The following CAMK1D variants were observed in gnomAD, a reference collection of about 807,000 sequenced individuals.
CAMK1D encodes the protein calcium/calmodulin-dependent protein kinase type 1D.
A neutral mutation model predicts 47.7 loss-of-function variants in CAMK1D; 9 were observed. That is an observed-to-expected ratio of 0.19 (90% CI 0.11 to 0.33). The LOEUF (loss-of-function observed/expected upper bound fraction) is 0.33, where lower values mean the gene tolerates loss of function less well. Ranked by LOEUF, CAMK1D falls within the 10% of genes least tolerant of loss-of-function variation. The pLI, the probability that CAMK1D is intolerant of heterozygous loss-of-function variation, is 1.00. For synonymous variants in CAMK1D, 184 were observed against 184.9 expected, an observed-to-expected ratio of 0.99 and a Z score of 0.04; for missense variants, 291 against 488.7, an observed-to-expected ratio of 0.60 and a Z score of 3.81.
intron 1 of CAMK1D, among the ~76,000 whole-genome samples, chr10:12,428,864 C>T (rs533400627): frequency 5.9e-5 from 9 of 152,294 alleles, no homozygotes; most frequent in South Asian, 4.1e-4. Flanking sequence ...AGAGCTGCCT[C>T]GCCACTGTGT....
intron 1 of CAMK1D, among the ~76,000 whole-genome samples, chr10:12,412,455 CA>C (rs1180559333): frequency 1.9e-4 from 22 of 118,660 alleles, no homozygotes; most frequent in African/African-American, 5.7e-4. Context: ...ACTAAAAATA[CA>C]AAAAAAAAAA....
In CAMK1D at chr10:12,385,727, C is replaced by T. The variant is rs1321465524; in HGVS notation, c.92+35817C>T. 1.4e-5 allele frequency among the ~76,000 whole-genome samples: 2 copies of T among 147,154 alleles called. 1 individual carries two copies. The highest frequency in any genetic ancestry group is 5.0e-5 in the African/African-American group (2 of 39,982). ...ACAGTTCTGTAATTATACTGAGAAC[C>T]ATTGAATTGTACTTTTTTTTTTTTT... On this transcript the variant is annotated intron_variant, in intron 1 of 10. Coordinates refer to ENST00000619168, the MANE Select transcript of CAMK1D (RefSeq NM_153498.4).
chr10:12,543,677 CT>C (rs995388537), intron 1 of CAMK1D, among the ~76,000 whole-genome samples: 1 of 152,126 alleles, frequency 6.6e-6, no homozygotes, highest in Non-Finnish European at 1.5e-5. Flanking sequence ...CCAAGGCATC[CT>C]TAGGGCACAC....
chr10:12,831,872 A>C lies in CAMK1D; in HGVS notation c.*2985A>C, dbSNP rs926786057. 6.6e-6 allele frequency: 1 copy of C among 152,172 alleles called. No individual in the cohort carries two copies. Among genetic ancestry groups the C allele is most frequent in the Non-Finnish European group, 1.5e-5 (1 of 68,030 alleles). 9.4% of individuals were successfully genotyped at this position (152,172 alleles called of 1,614,324 possible). A position where few individuals can be genotyped will look rare whatever the true frequency, so the allele number is the denominator to read the frequency against. ...GCTTGGTATGATTTGTTTTCTTATA[A>C]AACAGGAAGAGAACCTAGAATGTGC... On this transcript the variant is annotated 3_prime_UTR_variant, in exon 11 of 11. Transcript: ENST00000619168.
intron 1 of CAMK1D, among the ~76,000 whole-genome samples, chr10:12,510,785 T>C (rs1303597247): frequency 6.6e-6 from 1 of 152,210 alleles, no homozygotes; most frequent in Non-Finnish European, 1.5e-5. Flanking sequence ...ATTTTCTGGA[T>C]TCCTGTGAAT....
rs562059743 is a variant in CAMK1D at position 12,783,873 on chromosome 10, T to C, written c.566-7285T>C. Among the ~76,000 whole-genome samples the C allele has an allele frequency of 9.9e-5, 15 of 152,262 alleles. No homozygotes were observed. In the East Asian group the frequency reaches 2.3e-3, roughly 23 times the overall value. Reference sequence around the variant, plus strand: ...GTGAGTCTCACAGTAGTAAATCCAATTATTTTGAATTTTCTACCTAGTTTT... The same window carrying C: ...GTGAGTCTCACAGTAGTAAATCCAACTATTTTGAATTTTCTACCTAGTTTT... On this transcript the variant is annotated intron_variant, in intron 5 of 10. Coordinates refer to ENST00000619168, the MANE Select transcript of CAMK1D (RefSeq NM_153498.4).
intron 1 of CAMK1D, among the ~76,000 whole-genome samples, chr10:12,505,565 C>T (rs989847003): frequency 3.3e-5 from 5 of 152,198 alleles, no homozygotes; most frequent in Admixed American, 3.3e-4. Context: ...GCTTGGTCTA[C>T]ACAATGAGCT....
intron 2 of CAMK1D, among the ~76,000 whole-genome samples, chr10:12,634,413 C>T (rs1839458648): frequency 6.6e-6 from 1 of 152,164 alleles, no homozygotes; most frequent in African/African-American, 2.4e-5. Flanking sequence ...CTCAAGCCAT[C>T]CTCCTGCCTC....
intron 3 of CAMK1D, among the ~76,000 whole-genome samples, chr10:12,688,257 T>C (rs1424949511): frequency 2.6e-5 from 4 of 152,252 alleles, no homozygotes; most frequent in Admixed American, 6.5e-5. Flanking sequence ...ACGTGGCTTA[T>C]GGTTACACCT....
chr10:12,546,803 A>C (rs946120516), intron 1 of CAMK1D, among the ~76,000 whole-genome samples: 16 of 118,976 alleles, frequency 1.3e-4, no homozygotes, highest in Admixed American at 4.5e-4. Flanking sequence ...CACACCGGGG[A>C]CTGTTGTGGG....
intron 2 of CAMK1D, among the ~76,000 whole-genome samples, chr10:12,605,549 T>C (rs1838432944): frequency 6.6e-6 from 1 of 152,054 alleles, no homozygotes; most frequent in South Asian, 2.1e-4. Context: ...CCTCGGTGGC[T>C]CTTCGCCACC....
At chr10:12,772,524 A>C (rs1837086844) in intron 5 of CAMK1D, among the ~76,000 whole-genome samples, 1 of 152,158 alleles carries the variant, frequency 6.6e-6, no homozygotes, top group Non-Finnish European at 1.5e-5. Flanking sequence ...AGCACTTTCT[A>C]AATTGAGTTT....
intron 8 of CAMK1D, among the ~76,000 whole-genome samples, chr10:12,816,879 A>G (rs1423285965): frequency 6.7e-6 from 1 of 149,124 alleles, no homozygotes. Context: ...TCTCAAAAAA[A>G]AAAAAAAAAA....
At chr10:12,779,847 G>A (rs1444822840) in intron 5 of CAMK1D, among the ~76,000 whole-genome samples, 1 of 152,148 alleles carries the variant, frequency 6.6e-6, no homozygotes. Flanking sequence ...AAATAAGAAG[G>A]AACATGTACA....
chr10:12,612,968 G>A (rs1452289015), intron 2 of CAMK1D, among the ~76,000 whole-genome samples: 3 of 152,142 alleles, frequency 2.0e-5, no homozygotes, highest in Non-Finnish European at 2.9e-5. Context: ...AATAGAATGA[G>A]TGTCCGCATC....
intron 1 of CAMK1D, among the ~76,000 whole-genome samples, chr10:12,406,653 G>T (rs1358629651): frequency 6.7e-6 from 1 of 149,012 alleles, no homozygotes; most frequent in East Asian, 2.0e-4. Flanking sequence ...AGCCGGGGAG[G>T]CGGAGGTTGC....
At chr10:12,456,789 A>AAAAAAAC (rs1564351143) in intron 1 of CAMK1D, among the ~76,000 whole-genome samples, 1 of 150,044 alleles carries the variant, frequency 6.7e-6, no homozygotes, top group Non-Finnish European at 1.5e-5. Context: ...AAAAAAAAAA[A>AAAAAAAC]TCTCTACCTT....
chr10:12,734,264 G>A (rs1258287098), intron 3 of CAMK1D, among the ~76,000 whole-genome samples: 1 of 141,214 alleles, frequency 7.1e-6, no homozygotes, highest in Non-Finnish European at 1.5e-5. Flanking sequence ...GGAGGTTGCA[G>A]TGAGGCCGAG....
intron 2 of CAMK1D, among the ~76,000 whole-genome samples, chr10:12,587,186 T>C (rs771274978): frequency 6.6e-6 from 1 of 152,166 alleles, no homozygotes; most frequent in Non-Finnish European, 1.5e-5. Context: ...CAAACTTCTC[T>C]GCAATGTTAA....
Sources: allele counts gnomAD v4.1 joint callset (sites outside exome capture counted in the v4.1 genomes callset), GRCh38; gene constraint gnomAD v4.1.1; transcripts MANE v1.5; gene names NCBI Gene and HGNC (gene_info 2026-07-23, HGNC 2026-07-21).